The following RNF150 variants were observed in gnomAD, a reference collection of about 807,000 sequenced individuals.
RNF150 encodes the protein ring finger protein 150.
RNF150 carries 24 observed loss-of-function variants against 39.3 expected under a neutral mutation model. That is an observed-to-expected ratio of 0.61 (90% CI 0.44 to 0.86). The LOEUF is 0.86. RNF150 is among the 40% of genes least tolerant of loss of function. RNF150 has a pLI of 0.00. For synonymous variants in RNF150, 255 were observed against 227.3 expected (o/e 1.12, Z -1.10); for missense variants, 502 against 587.8 (o/e 0.85, Z 1.51).
At chr4:141,047,932 G>A (rs1021400787) in intron 1 of RNF150, among the ~76,000 whole-genome samples, 5 of 152,178 alleles carry the variant, frequency 3.3e-5, no homozygotes, top group African/African-American at 1.2e-4. Flanking sequence ...CCTACCAGTA[G>A]TGATACAGCA....
intron 1 of RNF150, among the ~76,000 whole-genome samples, chr4:141,003,959 C>T (rs1277576869): frequency 1.3e-5 from 2 of 152,080 alleles, no homozygotes; most frequent in African/African-American, 4.8e-5. Context: ...AAGGACAATT[C>T]TTCAAGTGAC....
At chr4:141,113,320 T>C (rs1387779243) in intron 1 of RNF150, among the ~76,000 whole-genome samples, 1 of 132,028 alleles carries the variant, frequency 7.6e-6, no homozygotes, top group Non-Finnish European at 1.6e-5. Flanking sequence ...GGGAGGAATA[T>C]TTAGCAAATG....
At chr4:141,125,120 T>C (rs952193641) in intron 1 of RNF150, among the ~76,000 whole-genome samples, 2 of 152,216 alleles carry the variant, frequency 1.3e-5, no homozygotes, top group African/African-American at 2.4e-5. Context: ...TCTTTTATTA[T>C]AGAAAACTGA....
rs2111113105 is a variant in RNF150 at position 141,132,901 on chromosome 4, C to T, written c.-93G>A. 2 of 1,048,168 alleles carry T rather than the reference C, an allele frequency of 1.9e-6. No homozygotes were observed. Among genetic ancestry groups the T allele is most frequent in the African/African-American group, 1.6e-5 (1 of 61,188 alleles). The allele number at this position is 1,048,168 out of a possible 1,614,324, so 64.9% of individuals were successfully genotyped here. A position where few individuals can be genotyped will look rare whatever the true frequency, so the allele number is the denominator to read the frequency against. ...CGGCCAACCCCGGGCCGCTGCCTCT[C>T]CTCCTGCTGCTGCTCACTCCCGGGC... is the stretch of plus-strand genomic sequence containing the variant. On this transcript the variant is annotated 5_prime_UTR_variant, in exon 1 of 7. Coordinates refer to ENST00000515673, the MANE Select transcript of RNF150 (RefSeq NM_020724.2). The surrounding 1 kb of genome is among the most constrained non-coding windows in gnomAD (Gnocchi z 4.9).
intron 1 of RNF150, among the ~76,000 whole-genome samples, chr4:141,161,255 C>T (rs1479645790): frequency 2.6e-5 from 4 of 152,098 alleles, no homozygotes; most frequent in African/African-American, 9.7e-5. Context: ...TGACTGTACC[C>T]CTGCCCTAGG....
intron 1 of RNF150, among the ~76,000 whole-genome samples, chr4:141,044,112 A>G (rs1422851711): frequency 1.3e-5 from 2 of 152,234 alleles, no homozygotes; most frequent in Non-Finnish European, 1.5e-5. Flanking sequence ...GCATCTATAC[A>G]TATTTTTAAA....
intron 1 of RNF150, among the ~76,000 whole-genome samples, chr4:141,128,755 ACT>A (rs1294867238): frequency 6.6e-6 from 1 of 151,752 alleles, no homozygotes; most frequent in Admixed American, 6.6e-5. Context: ...TCTATTAATC[ACT>A]CTCTCTTCCC....
intron 1 of RNF150, among the ~76,000 whole-genome samples, chr4:141,212,170 G>A (rs180922719): frequency 6.6e-6 from 1 of 152,256 alleles, no homozygotes; most frequent in African/African-American, 2.4e-5. Flanking sequence ...AGGATTAAAA[G>A]GTAAATAGTA....
intron 6 of RNF150, among the ~76,000 whole-genome samples, chr4:140,908,192 G>GTGTT (rs796371102): frequency 1.6e-4 from 25 of 152,214 alleles, no homozygotes; most frequent in African/African-American, 5.8e-4. Flanking sequence ...TCATGCATTT[G>GTGTT]TGTTTGTTCA....
intron 1 of RNF150, among the ~76,000 whole-genome samples, chr4:141,114,558 A>G (rs1198332042): frequency 6.6e-6 from 1 of 152,186 alleles, no homozygotes; most frequent in Non-Finnish European, 1.5e-5. Context: ...ATTCACAGCC[A>G]AATTCACAGC....
chr4:140,963,573 T>C (rs1005380310), intron 2 of RNF150, among the ~76,000 whole-genome samples: 3 of 129,964 alleles, frequency 2.3e-5, no homozygotes, highest in Non-Finnish European at 3.5e-5. Flanking sequence ...TGCAAATTCT[T>C]CTTAGAAGAC....
chr4:141,181,642 T>A (rs993713583), intron 1 of RNF150, among the ~76,000 whole-genome samples: 2 of 152,184 alleles, frequency 1.3e-5, no homozygotes, highest in African/African-American at 4.8e-5. Flanking sequence ...TCTCTAATTT[T>A]TTACTGTCAT....
chr4:140,998,159 G>A (rs2111493920), intron 1 of RNF150, among the ~76,000 whole-genome samples: 1 of 152,324 alleles, frequency 6.6e-6, no homozygotes, highest in South Asian at 2.1e-4. Flanking sequence ...GTTCAGTCCA[G>A]TTGCCCGCAG....
intron 5 of RNF150, among the ~76,000 whole-genome samples, chr4:140,922,334 C>G (rs7441957): frequency 0.54 from 79,712 of 146,636 alleles, 22,199 homozygotes; most frequent in East Asian, 0.89. Context: ...AAGAGACAAA[C>G]AGAGAGGCAA....
intron 5 of RNF150, among the ~76,000 whole-genome samples, chr4:140,925,753 C>T (rs758902235): frequency 3.9e-5 from 6 of 152,116 alleles, no homozygotes; most frequent in Non-Finnish European, 8.8e-5. Flanking sequence ...CCTTGACTCA[C>T]AGACAAATAT....
chr4:140,871,006 A>C (rs13113699), intron 6 of RNF150, among the ~76,000 whole-genome samples: 38,186 of 146,460 alleles, frequency 0.26, 5,823 homozygotes, highest in East Asian at 0.34. Context: ...CTCTCTCTAT[A>C]TATATATATA....
chr4:141,016,568 C>G (rs1735283277), intron 1 of RNF150, among the ~76,000 whole-genome samples: 2 of 152,238 alleles, frequency 1.3e-5, no homozygotes, highest in Admixed American at 1.3e-4. Context: ...CTCAATAAAG[C>G]TGTTTTCCTC....
At position 141,173,216 on chromosome 4, in the gene RNF150, T is replaced by C. The variant is rs181864386; in HGVS notation, c.-6+39578A>G. On this transcript the variant is annotated intron_variant, in intron 1 of 7. Coordinates refer to the RNF150 transcript ENST00000420921. Reference sequence around the variant, plus strand: ...GCCATATTTATAAGGCTTTCTCTTATATTATTAGTTAATCCTTGATGCCTT... The same window carrying C: ...GCCATATTTATAAGGCTTTCTCTTACATTATTAGTTAATCCTTGATGCCTT... 1.9e-3 allele frequency among the ~76,000 whole-genome samples: 289 copies of C among 152,350 alleles called. 1 individual carries two copies. The highest frequency in any genetic ancestry group is 3.1e-3 in the Non-Finnish European group (214 of 68,036).
chr4:141,163,441 A>C (rs554577260), intron 1 of RNF150, among the ~76,000 whole-genome samples: 2 of 152,334 alleles, frequency 1.3e-5, no homozygotes, highest in Non-Finnish European at 2.9e-5. Context: ...TCAGCACAGC[A>C]CTCAAGCTCT....
Sources: allele counts gnomAD v4.1 joint callset (sites outside exome capture counted in the v4.1 genomes callset), GRCh38; gene constraint gnomAD v4.1.1; non-coding constraint Gnocchi (gnomAD v3.1); transcripts MANE v1.5; gene names NCBI Gene and HGNC (gene_info 2026-07-23, HGNC 2026-07-21).